Variants in PPP6C observed in about 807,000 individuals in gnomAD.
PPP6C encodes protein phosphatase 6 catalytic subunit.
Under a neutral mutation model 39.8 loss-of-function variants are expected in PPP6C, and 11 were observed. The observed-to-expected ratio is 0.28, with a 90% CI of 0.17 to 0.46. PPP6C has a LOEUF of 0.46. Among genes scored for constraint, PPP6C ranks in the 20% least tolerant of loss-of-function variants. The pLI, the probability that PPP6C is intolerant of heterozygous loss-of-function variation, is 1.00. For synonymous variants in PPP6C, 129 were observed against 130.3 expected, an observed-to-expected ratio of 0.99 and a Z score of 0.07; for missense variants, 211 against 373.9, an observed-to-expected ratio of 0.56 and a Z score of 3.59.
chr9:125,158,313 A>G lies in PPP6C; in HGVS notation c.307T>C (p.Trp103Arg), dbSNP rs1363578733. 1 of 1,612,112 alleles carries G rather than the reference A, an allele frequency of 6.2e-7. No homozygotes were observed. Among genetic ancestry groups the G allele is most frequent in the Non-Finnish European group, 8.5e-7 (1 of 1,178,192 alleles). The change falls in exon 4 of 7, where the codon TGG (tryptophan) becomes CGG (arginine). Residue 103 changes from tryptophan to arginine, a missense_variant. Trp to Arg is a moderately radical substitution (Grantham distance 101). Transcript: ENST00000373547. ...FTYLLALKAK[W>R]PDRITLLRGN... ...CGCAAAAGTGTAATACGATCAGGCC[A>G]TTTAGCCTTTAATGCAAGAAGGTAA... is the stretch of plus-strand genomic sequence containing the variant.
At position 125,163,577 on chromosome 9, in the gene PPP6C, C is replaced by A. The variant is rs1397455292; in HGVS notation, c.172-2671G>T. Among the ~76,000 whole-genome samples, 6 of 150,704 alleles carry A rather than the reference C, an allele frequency of 4.0e-5. No homozygotes were observed. The East Asian group carries it at 1.2e-3, about 30-fold the overall frequency. ...TCCCGAGTAGCTGGGATTACAGGCG[C>A]GTGCCAACAGCCCCAGCTAATTTAT... On this transcript the variant is annotated intron_variant, in intron 2 of 6. Transcript: ENST00000373547.
intron 3 of PPP6C, among the ~76,000 whole-genome samples, chr9:125,159,164 G>C (rs1828791149): frequency 6.8e-6 from 1 of 147,074 alleles, no homozygotes; most frequent in Non-Finnish European, 1.5e-5. Context: ...TCAGCTTCCT[G>C]AGTAGCTGGG....
chr9:125,189,742 A>ACAG lies in PPP6C; in HGVS notation c.-27_-25dup, dbSNP rs1554724095. Reference sequence around the variant, plus strand: ...ATTTTAAGAATAACAAGCCGCGGCAACAGCGGCGGCGGCGGCTGTAGCAGC... The same window carrying ACAG: ...ATTTTAAGAATAACAAGCCGCGGCAACAGCAGCGGCGGCGGCGGCTGTAGCAGC... On this transcript the variant is annotated 5_prime_UTR_variant, in exon 1 of 7. Coordinates refer to ENST00000373547, the MANE Select transcript of PPP6C (RefSeq NM_002721.5). 3.2e-6 allele frequency: 5 copies of ACAG among 1,563,024 alleles called. No homozygotes were observed. The highest frequency in any genetic ancestry group is 2.0e-5 in the Admixed American group (1 of 49,470).
chr9:125,183,626 C>A (rs1829463752), intron 1 of PPP6C, among the ~76,000 whole-genome samples: 1 of 152,178 alleles, frequency 6.6e-6, no homozygotes, highest in East Asian at 1.9e-4. Context: ...CCACCTCCAG[C>A]CATACCAAAC....
intron 1 of PPP6C, among the ~76,000 whole-genome samples, chr9:125,187,767 T>C (rs761332252): frequency 1.4e-4 from 21 of 151,894 alleles, no homozygotes; most frequent in Non-Finnish European, 2.8e-4. Flanking sequence ...ATGCTAGTTG[T>C]ATTCTTATTC....
At chr9:125,150,180 A>C (rs1835900923) in intron 6 of PPP6C, among the ~76,000 whole-genome samples, 1 of 152,234 alleles carries the variant, frequency 6.6e-6, no homozygotes, top group African/African-American at 2.4e-5. Flanking sequence ...AGGTACTATG[A>C]AACAAAATTT....
intron 2 of PPP6C, among the ~76,000 whole-genome samples, chr9:125,163,302 T>C (rs1050236044): frequency 3.3e-5 from 5 of 152,150 alleles, no homozygotes; most frequent in Admixed American, 3.3e-4. Context: ...ATGTAAAAAA[T>C]TGAGTAGTTA....
At chr9:125,187,317 C>G (rs1331364820) in intron 1 of PPP6C, among the ~76,000 whole-genome samples, 1 of 151,422 alleles carries the variant, frequency 6.6e-6, no homozygotes, top group East Asian at 1.9e-4. Context: ...CTTGCTCTGT[C>G]TCCCAGGCTG....
At chr9:125,169,698 T>C (rs538322456) in intron 2 of PPP6C, among the ~76,000 whole-genome samples, 1 of 152,236 alleles carries the variant, frequency 6.6e-6, no homozygotes, top group African/African-American at 2.4e-5. Flanking sequence ...ATATCCTTTA[T>C]GTTAGCAAAA....
At chr9:125,181,713 T>G (rs1588296605) in intron 1 of PPP6C, among the ~76,000 whole-genome samples, 1 of 152,234 alleles carries the variant, frequency 6.6e-6, no homozygotes, top group African/African-American at 2.4e-5. Flanking sequence ...CGATGGGCAT[T>G]TGAGCTAGTT....
intron 1 of PPP6C, among the ~76,000 whole-genome samples, chr9:125,187,803 G>T (rs1047182553): frequency 6.6e-6 from 1 of 151,772 alleles, no homozygotes; most frequent in Non-Finnish European, 1.5e-5. Flanking sequence ...ATAGCAGAAA[G>T]AAGCCACAAA....
At chr9:125,174,215 G>C (rs1343732152) in intron 1 of PPP6C, among the ~76,000 whole-genome samples, 1 of 151,922 alleles carries the variant, frequency 6.6e-6, no homozygotes, top group African/African-American at 2.4e-5. Context: ...ATTAATTAAG[G>C]AATCTAAATG....
chr9:125,152,778 C>T (rs1435058096), intron 6 of PPP6C, among the ~76,000 whole-genome samples: 1 of 150,774 alleles, frequency 6.6e-6, no homozygotes, highest in Non-Finnish European at 1.5e-5. Context: ...TGCAGTGAGC[C>T]GAGATTGCAC....
intron 1 of PPP6C, among the ~76,000 whole-genome samples, chr9:125,178,977 G>C (rs891051870): frequency 6.6e-6 from 1 of 152,158 alleles, no homozygotes; most frequent in Admixed American, 6.5e-5. Context: ...CACTTTGGGA[G>C]GCCGAGGAGG....
At chr9:125,166,538 T>TC (rs1457382160) in intron 2 of PPP6C, among the ~76,000 whole-genome samples, 3 of 149,960 alleles carry the variant, frequency 2.0e-5, no homozygotes, top group African/African-American at 7.3e-5. Context: ...TCTTTTTCTT[T>TC]TTTTTTTTTT....
intron 1 of PPP6C, among the ~76,000 whole-genome samples, chr9:125,187,347 C>T (rs1298158192): frequency 1.3e-5 from 2 of 151,012 alleles, no homozygotes; most frequent in African/African-American, 2.4e-5. Context: ...GGTGTGATCC[C>T]GGCTCACTGC....
At chr9:125,186,696 G>A (rs1829536778) in intron 1 of PPP6C, among the ~76,000 whole-genome samples, 1 of 151,734 alleles carries the variant, frequency 6.6e-6, no homozygotes, top group Non-Finnish European at 1.5e-5. Flanking sequence ...GCTGCAATGA[G>A]CCATGATTGT....
At chr9:125,166,976 T>C (rs1001008079) in intron 2 of PPP6C, among the ~76,000 whole-genome samples, 1 of 152,138 alleles carries the variant, frequency 6.6e-6, no homozygotes, top group Non-Finnish European at 1.5e-5. Context: ...AATAGCTGAC[T>C]ATAGCCTCAA....
chr9:125,180,234 T>G (rs1319135291), intron 1 of PPP6C, among the ~76,000 whole-genome samples: 1 of 152,212 alleles, frequency 6.6e-6, no homozygotes. Flanking sequence ...TTAGTCCTTG[T>G]GGATAGACGG....
Sources: allele counts gnomAD v4.1 joint callset (sites outside exome capture counted in the v4.1 genomes callset), GRCh38; gene constraint gnomAD v4.1.1; transcripts MANE v1.5; gene names NCBI Gene and HGNC (gene_info 2026-07-23, HGNC 2026-07-21).